The following CACNB2 variants were observed in gnomAD, a reference collection of about 807,000 sequenced individuals.
CACNB2 encodes the protein calcium voltage-gated channel auxiliary subunit beta 2.
A neutral mutation model predicts 73.3 loss-of-function variants in CACNB2; 42 were observed. The ratio of observed to expected loss-of-function variants is 0.57; its 90% CI spans 0.45 to 0.74. CACNB2 has a LOEUF of 0.74. Ranked by LOEUF, CACNB2 falls within the 30% of genes least tolerant of loss-of-function variation. CACNB2 has a pLI of 0.00. For synonymous variants in CACNB2, 348 were observed against 310.3 expected (o/e 1.12, Z -1.28); for missense variants, 940 against 853.0 (o/e 1.10, Z -1.27).
chr10:18,274,730 C>A (rs1433676752), intron 2 of CACNB2, among the ~76,000 whole-genome samples: 1 of 152,028 alleles, frequency 6.6e-6, no homozygotes, highest in Non-Finnish European at 1.5e-5. Context: ...ATTTTCATTT[C>A]TGAACTATAG....
At chr10:18,417,599 C>A (rs1182416152) in intron 3 of CACNB2, among the ~76,000 whole-genome samples, 2 of 151,960 alleles carry the variant, frequency 1.3e-5, no homozygotes, top group Non-Finnish European at 2.9e-5. Context: ...AACTCCTGAC[C>A]TCAAGTGATC....
intron 3 of CACNB2, among the ~76,000 whole-genome samples, chr10:18,432,136 A>G (rs10734054): frequency 0.89 from 135,296 of 151,994 alleles, 60,579 homozygotes; most frequent in African/African-American, 0.97. Flanking sequence ...CAAGTCTTAG[A>G]GGGGAGGAAA....
At chr10:18,234,342 A>G (rs556332358) in intron 2 of CACNB2, 13 of 152,360 alleles carry the variant, frequency 8.5e-5, no homozygotes, top group African/African-American at 3.1e-4. Flanking sequence ...GCAGTTCCTC[A>G]GCATATTAAG....
intron 5 of CACNB2, among the ~76,000 whole-genome samples, chr10:18,504,747 C>A (rs1039832794): frequency 6.6e-6 from 1 of 152,088 alleles, no homozygotes; most frequent in Non-Finnish European, 1.5e-5. Flanking sequence ...CCGGTTCAAG[C>A]GATTCTCCTG....
At chr10:18,384,948 C>T (rs1384957671) in intron 2 of CACNB2, among the ~76,000 whole-genome samples, 1 of 151,986 alleles carries the variant, frequency 6.6e-6, no homozygotes, top group Non-Finnish European at 1.5e-5. Flanking sequence ...GGTTCTCAAC[C>T]TTGGCTGAAC....
chr10:18,371,328 G>C (rs993158358), intron 2 of CACNB2, among the ~76,000 whole-genome samples: 2 of 151,920 alleles, frequency 1.3e-5, no homozygotes, highest in African/African-American at 4.8e-5. Flanking sequence ...TTAACATTAG[G>C]TATATCTCCT....
intron 2 of CACNB2, among the ~76,000 whole-genome samples, chr10:18,223,778 AT>A (rs1451727367): frequency 1.3e-5 from 2 of 152,090 alleles, no homozygotes; most frequent in African/African-American, 4.8e-5. Flanking sequence ...ATTAAGGAGA[AT>A]TTTTGTCTTC....
chr10:18,409,707 T>G (rs1258102622), intron 3 of CACNB2, among the ~76,000 whole-genome samples: 3 of 152,140 alleles, frequency 2.0e-5, no homozygotes, highest in Non-Finnish European at 4.4e-5. Flanking sequence ...GGGGAGGGAC[T>G]GAAGAACTGG....
chr10:18,337,853 CATG>C (rs1353261596), intron 2 of CACNB2, among the ~76,000 whole-genome samples: 3 of 152,150 alleles, frequency 2.0e-5, no homozygotes, highest in Admixed American at 1.3e-4. Flanking sequence ...AGGTGTACAA[CATG>C]ATGTTTTGAT....
intron 5 of CACNB2, among the ~76,000 whole-genome samples, chr10:18,505,153 C>T (rs1329293631): frequency 6.9e-6 from 1 of 145,878 alleles, no homozygotes; most frequent in Non-Finnish European, 1.5e-5. Context: ...GCATTTGTCA[C>T]AATTTTACAT....
intron 3 of CACNB2, among the ~76,000 whole-genome samples, chr10:18,403,639 A>G (rs964049802): frequency 2.0e-5 from 3 of 151,502 alleles, no homozygotes; most frequent in African/African-American, 7.2e-5. Flanking sequence ...ATTGCTGCAA[A>G]GAACTTTTAA....
chr10:18,305,289 G>T (rs773553720), intron 2 of CACNB2, among the ~76,000 whole-genome samples: 34 of 152,182 alleles, frequency 2.2e-4, no homozygotes, highest in Non-Finnish European at 4.6e-4. Context: ...GTTTCATAAG[G>T]CAGCTTTTAT....
intron 2 of CACNB2, among the ~76,000 whole-genome samples, chr10:18,348,892 G>A (rs2041586632): frequency 6.6e-6 from 1 of 152,192 alleles, no homozygotes; most frequent in Admixed American, 6.5e-5. Flanking sequence ...GCCAAGGTGG[G>A]AAGATCGTTT....
At chr10:18,407,845 C>G (rs1589263250) in intron 3 of CACNB2, among the ~76,000 whole-genome samples, 2 of 152,170 alleles carry the variant, frequency 1.3e-5, no homozygotes, top group African/African-American at 4.8e-5. Flanking sequence ...ATTCCATAGC[C>G]ATAATATTTT....
chr10:18,276,330 T>C (rs1052787300), intron 2 of CACNB2, among the ~76,000 whole-genome samples: 3 of 152,186 alleles, frequency 2.0e-5, no homozygotes, highest in African/African-American at 7.2e-5. Flanking sequence ...GCTGCCCAAC[T>C]CACAGTCACT....
intron 2 of CACNB2, among the ~76,000 whole-genome samples, chr10:18,329,143 C>T (rs546100401): frequency 3.3e-5 from 5 of 152,134 alleles, no homozygotes; most frequent in South Asian, 2.1e-4. Context: ...TCTTAATTGC[C>T]TCCCTAATCC....
intron 3 of CACNB2, among the ~76,000 whole-genome samples, chr10:18,491,767 A>G (rs1480202303): frequency 6.6e-6 from 1 of 150,918 alleles, no homozygotes; most frequent in African/African-American, 2.4e-5. Flanking sequence ...GGTTTCATGG[A>G]TAAAAATTCA....
At chr10:18,385,350 T>A (rs1380521400) in intron 2 of CACNB2, among the ~76,000 whole-genome samples, 1 of 146,916 alleles carries the variant, frequency 6.8e-6, no homozygotes, top group African/African-American at 2.5e-5. Flanking sequence ...GAATATGCCA[T>A]AGAGATTTGT....
At chr10:18,468,757 A>G (rs1167158887) in intron 3 of CACNB2, among the ~76,000 whole-genome samples, 1 of 151,804 alleles carries the variant, frequency 6.6e-6, no homozygotes, top group East Asian at 2.0e-4. Context: ...GCACCACCAC[A>G]CCCAGCTAAT....
Sources: allele counts gnomAD v4.1 joint callset (sites outside exome capture counted in the v4.1 genomes callset), GRCh38; gene constraint gnomAD v4.1.1; transcripts MANE v1.5; gene names NCBI Gene and HGNC (gene_info 2026-07-23, HGNC 2026-07-21).